The following GANC variants were observed in gnomAD, a reference collection of about 807,000 sequenced individuals.
GANC encodes glucosidase alpha, neutral C, also known as neutral alpha-glucosidase C.
Under a neutral mutation model 124.2 loss-of-function variants are expected in GANC, and 117 were observed. The ratio of observed to expected loss-of-function variants is 0.94; its 90% confidence interval spans 0.81 to 1.10. The LOEUF (loss-of-function observed/expected upper bound fraction) is 1.10, where lower values mean the gene tolerates loss of function less well. Ranked by LOEUF, GANC falls within the 50% of genes least tolerant of loss-of-function variation. GANC has a pLI of 0.00. For missense variants in GANC, 1,140 were observed against 1,095.0 expected (o/e 1.04, Z -0.58); for synonymous variants, 377 against 376.8 (o/e 1.00, Z -0.01).
intron 6 of GANC, among the ~76,000 whole-genome samples, chr15:42,306,303 T>A (rs548776335): frequency 1.3e-4 from 20 of 152,352 alleles, no homozygotes; most frequent in African/African-American, 4.6e-4. Flanking sequence ...TTTTATGTTG[T>A]GTATATTTTA....
At chr15:42,333,548 A>G (rs1006637112) in intron 15 of GANC, among the ~76,000 whole-genome samples, 11 of 152,190 alleles carry the variant, frequency 7.2e-5, no homozygotes, top group African/African-American at 2.7e-4. Flanking sequence ...AGTAAATAAG[A>G]ACAAGAACAC....
intron 20 of GANC, among the ~76,000 whole-genome samples, chr15:42,347,748 A>G (rs1194184763): frequency 1.3e-5 from 2 of 152,240 alleles, no homozygotes; most frequent in South Asian, 2.1e-4. Context: ...AAGCATGTAT[A>G]TACTACACTG....
intron 3 of GANC, among the ~76,000 whole-genome samples, chr15:42,284,898 T>A (rs989810767): frequency 1.3e-5 from 2 of 152,224 alleles, no homozygotes; most frequent in Non-Finnish European, 2.9e-5. Flanking sequence ...TCATTTTACA[T>A]AAATTGACCT....
chr15:42,350,719 A>AT (rs1411339187), intron 22 of GANC, among the ~76,000 whole-genome samples: 4 of 150,332 alleles, frequency 2.7e-5, no homozygotes, highest in South Asian at 2.1e-4. Context: ...TGCCTGGCTA[A>AT]TTTTTTGTAT....
Position 42,273,561 on chromosome 15 carries a change from G to A in GANC, c.-921G>A. The stretch of plus-strand genomic sequence containing the variant: ...GCCCCTCTCTCAGACAGTCGTCTGT[G>A]CGCCGTGAGACTTTGGACCTACTGC... On this transcript the variant is annotated 5_prime_UTR_variant, in exon 1 of 24. Transcript: ENST00000318010. The A allele has an allele frequency of 7.8e-7, 1 of 1,285,732 alleles. No homozygotes were observed. Among genetic ancestry groups the A allele is most frequent in the Non-Finnish European group, 1.0e-6 (1 of 953,182 alleles). The allele number at this position is 1,285,732 out of a possible 1,614,324, so 79.6% of individuals were successfully genotyped here.
chr15:42,328,001 A>G (rs1566958725), intron 13 of GANC, among the ~76,000 whole-genome samples: 1 of 152,214 alleles, frequency 6.6e-6, no homozygotes, highest in Non-Finnish European at 1.5e-5. Context: ...CTTCATGTGC[A>G]TCATACCATT....
chr15:42,315,984 G>C (rs1192052083), intron 10 of GANC, among the ~76,000 whole-genome samples: 2 of 151,874 alleles, frequency 1.3e-5, no homozygotes, highest in Non-Finnish European at 1.5e-5. Flanking sequence ...ATCTCTCTCT[G>C]TGTATGTATA....
intron 6 of GANC, among the ~76,000 whole-genome samples, chr15:42,300,079 A>C (rs1323955840): frequency 6.6e-6 from 1 of 152,248 alleles, no homozygotes; most frequent in Non-Finnish European, 1.5e-5. Context: ...TGAAAGCGCC[A>C]AAAGCAAATG....
chr15:42,287,900 C>T, intron 4 of GANC, 82 bp downstream of exon 4: 1 of 1,439,494 alleles, frequency 6.9e-7, no homozygotes, highest in South Asian at 1.4e-5. Flanking sequence ...TTGTTATGTG[C>T]ACTTCTTATT....
intron 13 of GANC, among the ~76,000 whole-genome samples, chr15:42,328,615 G>C (rs1451564256): frequency 2.0e-5 from 3 of 152,080 alleles, no homozygotes; most frequent in African/African-American, 7.2e-5. Context: ...TAGGCTCTGC[G>C]AGGGGAATGT....
chr15:42,317,945 C>G (rs972769291), intron 10 of GANC, among the ~76,000 whole-genome samples: 6 of 152,206 alleles, frequency 3.9e-5, no homozygotes, highest in African/African-American at 1.4e-4. Context: ...GGGTTTAGCT[C>G]AATCATATAC....
At position 42,310,184 on chromosome 15, in the gene GANC, G is replaced by A. The variant is rs369899093; in HGVS notation, c.723-99G>A. 1.4e-5 allele frequency: 12 copies of A among 881,824 alleles called. No individual in the cohort carries two copies. The South Asian group carries it at 1.5e-4, about 11-fold the overall frequency. 54.6% of individuals were successfully genotyped at this position (881,824 alleles called of 1,614,324 possible). A position where few individuals can be genotyped will look rare whatever the true frequency, so the allele number is the denominator to read the frequency against. On this transcript the variant is annotated intron_variant, in intron 8 of 23. Coordinates refer to ENST00000318010, the MANE Select transcript of GANC (RefSeq NM_198141.3). ...GCAAGAGTTGAGCCTCCAAAGATGC[G>A]TGGGACCTAAGTGTTTAGAGAGAAG...
chr15:42,325,037 G>T (rs2052187214), intron 11 of GANC, among the ~76,000 whole-genome samples: 1 of 151,888 alleles, frequency 6.6e-6, no homozygotes, highest in Non-Finnish European at 1.5e-5. Flanking sequence ...GCCGAGGTGA[G>T]CAGATCACCT....
Position 42,339,731 on chromosome 15 carries a change from G to A in GANC, c.1906G>A (p.Gly636Arg). The A allele has an allele frequency of 6.2e-7, 1 of 1,614,150 alleles. No individual in the cohort carries two copies. The highest frequency in any genetic ancestry group is 1.1e-5 in the South Asian group (1 of 91,088). ...GCTGCTAGTGCGTTGGTACCAGGCT[G>A]GAGCCTACCAGCCCTTCTTCCGTGG... is the stretch of plus-strand genomic sequence containing the variant. ...TELLVRWYQA[G>R]AYQPFFRGHA... The change falls in exon 17 of 24, where the codon GGA (glycine) becomes AGA (arginine). Residue 636 changes from glycine to arginine, a missense_variant. Physicochemically the swap from Gly to Arg is moderately radical, Grantham distance 125. Transcript: ENST00000318010.
At chr15:42,333,041 TTTTTTGGTCAC>T (rs2052258997) in intron 15 of GANC, among the ~76,000 whole-genome samples, 1 of 150,176 alleles carries the variant, frequency 6.7e-6, no homozygotes, top group Non-Finnish European at 1.5e-5. Flanking sequence ...TATATATATT[TTTTTTGGTCAC>T]GAGCAGTGGC....
intron 1 of GANC, among the ~76,000 whole-genome samples, chr15:42,275,326 A>T (rs890627310): frequency 2.0e-5 from 3 of 152,212 alleles, no homozygotes; most frequent in African/African-American, 7.2e-5. Context: ...GCAAGCCAAG[A>T]TCGTGCCACT....
intron 10 of GANC, among the ~76,000 whole-genome samples, chr15:42,317,911 A>G (rs1396683886): frequency 6.6e-6 from 1 of 152,246 alleles, no homozygotes; most frequent in African/African-American, 2.4e-5. Flanking sequence ...AAGACAGTAA[A>G]GATTATTTGT....
At chr15:42,350,368 G>A (rs1026221658) in intron 22 of GANC, among the ~76,000 whole-genome samples, 8 of 151,772 alleles carry the variant, frequency 5.3e-5, no homozygotes, top group African/African-American at 1.9e-4. Flanking sequence ...CTTAATTTAA[G>A]TTCCCACTAA....
intron 22 of GANC, among the ~76,000 whole-genome samples, chr15:42,350,919 T>A (rs779766378): frequency 5.3e-5 from 8 of 151,446 alleles, no homozygotes; most frequent in Non-Finnish European, 1.2e-4. Flanking sequence ...TCACCCAGTC[T>A]GGAGTACAGT....
Sources: gnomAD v4.1 joint callset for allele counts (sites outside exome capture counted in the v4.1 genomes callset) on GRCh38, gnomAD v4.1.1 for gene constraint, MANE v1.5 for transcripts, NCBI Gene and HGNC (gene_info 2026-07-23, HGNC 2026-07-21) for gene names.